ZNRF1: variants seen among roughly 807,000 people sequenced by gnomAD.
The protein encoded by ZNRF1 is zinc and ring finger 1.
ZNRF1 carries 3 observed loss-of-function variants against 18.4 expected under a neutral mutation model. The observed-to-expected ratio is 0.16, with a 90% CI of 0.07 to 0.42. The LOEUF (loss-of-function observed/expected upper bound fraction) is 0.42, where lower values mean the gene tolerates loss of function less well. Among genes scored for constraint, ZNRF1 ranks in the 10% least tolerant of loss-of-function variants. The pLI, the probability that ZNRF1 is intolerant of heterozygous loss-of-function variation, is 0.99. For synonymous variants in ZNRF1, 157 were observed against 144.2 expected (o/e 1.09, Z -0.64); for missense variants, 310 against 329.8 (o/e 0.94, Z 0.47).
At chr16:75,025,136 C>T (rs1376195162) in intron 1 of ZNRF1, among the ~76,000 whole-genome samples, 1 of 152,072 alleles carries the variant, frequency 6.6e-6, no homozygotes, top group East Asian at 1.9e-4. Context: ...GGCGCCATCT[C>T]GGCTCTCTGC....
At chr16:75,044,014 T>C (rs1395035251) in intron 1 of ZNRF1, among the ~76,000 whole-genome samples, 1 of 152,082 alleles carries the variant, frequency 6.6e-6, no homozygotes, top group Non-Finnish European at 1.5e-5. Flanking sequence ...GGTTTCACCA[T>C]GTTGGCCAGG....
At chr16:75,079,042 G>T (rs1040226374) in intron 1 of ZNRF1, among the ~76,000 whole-genome samples, 5 of 152,050 alleles carry the variant, frequency 3.3e-5, no homozygotes, top group African/African-American at 1.2e-4. Flanking sequence ...TTATCTACCC[G>T]GTTCAAGTAA....
At chr16:75,059,391 G>A (rs898002457) in intron 1 of ZNRF1, among the ~76,000 whole-genome samples, 1 of 151,586 alleles carries the variant, frequency 6.6e-6, no homozygotes, top group Non-Finnish European at 1.5e-5. Flanking sequence ...GGGACTACAG[G>A]CATGCACCAC....
chr16:75,007,696 A>G (rs1222054843), intron 1 of ZNRF1, among the ~76,000 whole-genome samples: 1 of 152,200 alleles, frequency 6.6e-6, no homozygotes, highest in Non-Finnish European at 1.5e-5. Flanking sequence ...AATTCAGTAG[A>G]GCTGGAGACC....
chr16:75,063,294 G>A (rs1317633237), intron 1 of ZNRF1, among the ~76,000 whole-genome samples: 1 of 152,190 alleles, frequency 6.6e-6, no homozygotes, highest in Admixed American at 6.5e-5. Flanking sequence ...TGCAGGGAGT[G>A]CCTTCAGGGA....
intron 1 of ZNRF1, among the ~76,000 whole-genome samples, chr16:75,076,337 C>T (rs926580480): frequency 6.6e-5 from 10 of 152,068 alleles, no homozygotes; most frequent in Non-Finnish European, 1.0e-4. Context: ...GCTGATGGAT[C>T]CGCTGATGTC....
intron 2 of ZNRF1, 98 bp downstream of exon 2, chr16:75,093,765 A>G: frequency 1.1e-6 from 1 of 890,370 alleles, no homozygotes; most frequent in Non-Finnish European, 1.8e-6. Context: ...TCTGGGCAGT[A>G]TTTTCACCCT....
chr16:75,093,705 C>A (rs1241428654), intron 2 of ZNRF1, 38 bp downstream of exon 2: 2 of 1,562,608 alleles, frequency 1.3e-6, no homozygotes, highest in South Asian at 2.2e-5. Context: ...TCCAGAGCAT[C>A]CGTCGGGGGA....
chr16:75,053,403 A>G (rs1220663799), intron 1 of ZNRF1, among the ~76,000 whole-genome samples: 1 of 152,084 alleles, frequency 6.6e-6, no homozygotes, highest in Non-Finnish European at 1.5e-5. Flanking sequence ...AGCCTGGCCA[A>G]CATGGTGAAA....
intron 1 of ZNRF1, 42 bp from the exon 2 acceptor site, chr16:75,093,530 G>T: frequency 6.6e-7 from 1 of 1,507,340 alleles, no homozygotes; most frequent in Non-Finnish European, 9.2e-7. Flanking sequence ...TGGATGTACT[G>T]GATCTGGAGA....
chr16:75,034,470 ACTTC>A (rs753694341), intron 1 of ZNRF1, among the ~76,000 whole-genome samples: 63 of 152,318 alleles, frequency 4.1e-4, no homozygotes, highest in South Asian at 1.0e-3. Context: ...GTCAGAATTT[ACTTC>A]CTTTTTATGT....
At chr16:75,076,263 C>T (rs1032457264) in intron 1 of ZNRF1, among the ~76,000 whole-genome samples, 1 of 152,110 alleles carries the variant, frequency 6.6e-6, no homozygotes, top group Admixed American at 6.5e-5. Flanking sequence ...GGGTTCTAAG[C>T]CCAAACACTT....
intron 1 of ZNRF1, among the ~76,000 whole-genome samples, chr16:75,013,665 T>C (rs1261963776): frequency 1.3e-5 from 2 of 152,104 alleles, no homozygotes; most frequent in African/African-American, 4.8e-5. Context: ...GTTTTAGTAA[T>C]GAACTCTGAA....
At chr16:75,068,339 G>A (rs571225010) in intron 1 of ZNRF1, among the ~76,000 whole-genome samples, 1 of 152,088 alleles carries the variant, frequency 6.6e-6, no homozygotes, top group African/African-American at 2.4e-5. Context: ...ACTCCATCCT[G>A]GTTGACAGAG....
chr16:75,068,751 C>T (rs755380008), intron 1 of ZNRF1, among the ~76,000 whole-genome samples: 16 of 152,090 alleles, frequency 1.1e-4, no homozygotes, highest in Non-Finnish European at 2.2e-4. Context: ...CACGCAGGTC[C>T]ACCACCTCTA....
At chr16:75,106,606 G>C in intron 4 of ZNRF1, 35 bp downstream of exon 4, 1 of 1,596,648 alleles carries the variant, frequency 6.3e-7, no homozygotes, top group Non-Finnish European at 8.6e-7. Context: ...CGGGCTCAAG[G>C]CTTGGGGTCA....
intron 1 of ZNRF1, among the ~76,000 whole-genome samples, chr16:75,080,787 T>C (rs2036001031): frequency 6.6e-6 from 1 of 152,064 alleles, no homozygotes; most frequent in African/African-American, 2.4e-5. Flanking sequence ...GGTAGGAGGA[T>C]TGCTTGAGCC....
At chr16:75,087,577 G>A (rs1444129342) in intron 1 of ZNRF1, among the ~76,000 whole-genome samples, 1 of 152,224 alleles carries the variant, frequency 6.6e-6, no homozygotes, top group African/African-American at 2.4e-5. Flanking sequence ...TCTCTTGATT[G>A]GAAGTGGAGG....
chr16:75,028,832 C>G (rs1162107963), intron 1 of ZNRF1, among the ~76,000 whole-genome samples: 1 of 152,204 alleles, frequency 6.6e-6, no homozygotes, highest in East Asian at 1.9e-4. Context: ...TTTCCTTCCC[C>G]TTGAAACACT....
Sources: gnomAD v4.1 joint callset for allele counts (sites outside exome capture counted in the v4.1 genomes callset) on GRCh38, gnomAD v4.1.1 for gene constraint, MANE v1.5 for transcripts, NCBI Gene and HGNC (gene_info 2026-07-23, HGNC 2026-07-21) for gene names.